The following B4GALT1 variants were observed in gnomAD, a reference collection of about 807,000 sequenced individuals.
B4GALT1 encodes the protein beta-1,4-galactosyltransferase 1.
A neutral mutation model predicts 34.9 loss-of-function variants in B4GALT1; 16 were observed. The ratio of observed to expected loss-of-function variants is 0.46; its 90% CI spans 0.31 to 0.70. The LOEUF (loss-of-function observed/expected upper bound fraction) is 0.70, where lower values mean the gene tolerates loss of function less well. Ranked by LOEUF, B4GALT1 falls within the 30% of genes least tolerant of loss-of-function variation. The pLI, the probability that B4GALT1 is intolerant of heterozygous loss-of-function variation, is 0.05. For missense variants in B4GALT1, 445 were observed against 530.5 expected, an observed-to-expected ratio of 0.84 and a Z score of 1.58; for synonymous variants, 221 against 218.1, an observed-to-expected ratio of 1.01 and a Z score of -0.12.
intron 1 of B4GALT1, among the ~76,000 whole-genome samples, chr9:33,157,063 TACACACACACAC>T (rs371027641): frequency 0.1 from 8,844 of 87,254 alleles, 467 homozygotes; most frequent in Middle Eastern, 0.17. Context: ...CATAGGGAAC[TACACACACACAC>T]ACACACACAC....
chr9:33,135,284 G>A lies in B4GALT1; in HGVS notation c.553C>T (p.Arg185Cys), dbSNP rs142441831. 11 of 1,614,056 alleles carry A rather than the reference G, an allele frequency of 6.8e-6. No individual in the cohort carries two copies. Among genetic ancestry groups the A allele is most frequent in the African/African-American group, 4.0e-5 (3 of 74,900 alleles). Reference sequence around the variant, plus strand: ...TACTTGAGGTGCTCCTGCCGGTTGCGGAATGGAATGATGATGGCCACCTTG... The same window carrying A: ...TACTTGAGGTGCTCCTGCCGGTTGCAGAATGGAATGATGATGGCCACCTTG... Reference protein sequence around the residue: ...PHKVAIIIPFRNRQEHLKYWL... With the variant: ...PHKVAIIIPFCNRQEHLKYWL... Residue 185 changes from arginine to cysteine, a missense_variant, in exon 2 of 6, where the codon CGC becomes TGC. Physicochemically the swap from Arg to Cys is radical, Grantham distance 180 (BLOSUM62 -3). Coordinates refer to ENST00000379731, the MANE Select transcript of B4GALT1 (RefSeq NM_001497.4).
chr9:33,151,158 T>A (rs1372715472), intron 1 of B4GALT1, among the ~76,000 whole-genome samples: 3 of 152,174 alleles, frequency 2.0e-5, no homozygotes, highest in African/African-American at 7.2e-5. Context: ...AATGTTAAAT[T>A]CACTTCCCTG....
At chr9:33,163,004 A>C (rs1244674497) in intron 1 of B4GALT1, among the ~76,000 whole-genome samples, 1 of 152,206 alleles carries the variant, frequency 6.6e-6, no homozygotes, top group Non-Finnish European at 1.5e-5. Flanking sequence ...CTGGCTTACA[A>C]GACTAGTTAT....
At chr9:33,151,903 A>G (rs1381061884) in intron 1 of B4GALT1, among the ~76,000 whole-genome samples, 2 of 152,248 alleles carry the variant, frequency 1.3e-5, no homozygotes, top group Non-Finnish European at 2.9e-5. Context: ...TGGCTTCTAA[A>G]GAACCAACTT....
intron 4 of B4GALT1, among the ~76,000 whole-genome samples, chr9:33,114,667 T>C (rs2118021387): frequency 6.6e-6 from 1 of 152,238 alleles, no homozygotes; most frequent in East Asian, 1.9e-4. Flanking sequence ...GGATTCTGTG[T>C]TGGTCCAAGG....
At chr9:33,131,597 T>C (rs1840194221) in intron 2 of B4GALT1, among the ~76,000 whole-genome samples, 1 of 152,198 alleles carries the variant, frequency 6.6e-6, no homozygotes. Flanking sequence ...TGTACATGTG[T>C]GTGCATGTGT....
At chr9:33,126,664 T>TTGTTAACTATTGTTAACCATAGTTAAAC (rs1158001058) in intron 2 of B4GALT1, among the ~76,000 whole-genome samples, 2 of 31,220 alleles carry the variant, frequency 6.4e-5, no homozygotes, top group Non-Finnish European at 2.1e-4. Context: ...ACCATAGCAA[T>TTGTTAACTATTGTTAACCATAGTTAAAC]ATGGTAGCTC....
rs117881792 is a variant in B4GALT1, at chr9:33,104,713, C to T, written c.*39G>A. 9.2e-3 allele frequency: 4,192 copies of T among 454,414 alleles called. 30 individuals are homozygous for T. Among genetic ancestry groups the T allele is most frequent in the Non-Finnish European group, 0.014 (3,178 of 226,348 alleles). The allele number at this position is 454,414 out of a possible 1,614,324, so 28.1% of individuals were successfully genotyped here. ...GAAGATGCTGGGACTAACCACCATG[C>T]GCTGCCACCTCCAGAGCAGAACAGA... is the stretch of plus-strand genomic sequence containing the variant. On this transcript the variant is annotated 3_prime_UTR_variant, in exon 3 of 3. Coordinates refer to the B4GALT1 transcript ENST00000535206.
chr9:33,167,224 C>A lies in B4GALT1; in HGVS notation c.-55G>T. 6.8e-7 allele frequency: 1 copy of A among 1,467,324 alleles called. No homozygotes were observed. Among genetic ancestry groups the A allele is most frequent in the Non-Finnish European group, 9.0e-7 (1 of 1,115,910 alleles). 90.9% of individuals were successfully genotyped at this position (1,467,324 alleles called of 1,614,324 possible). ...GGCTACAGGAGGGGAGGCGACCCGC[C>A]CGCGGGCCGCCCGCCAGGCGCTGCC... On this transcript the variant is annotated 5_prime_UTR_variant, in exon 1 of 6. Coordinates refer to ENST00000379731, the MANE Select transcript of B4GALT1 (RefSeq NM_001497.4).
At chr9:33,152,564 A>G (rs1210578034) in intron 1 of B4GALT1, among the ~76,000 whole-genome samples, 1 of 151,846 alleles carries the variant, frequency 6.6e-6, no homozygotes, top group East Asian at 1.9e-4. Flanking sequence ...GGTAAAAAAA[A>G]AAAAGGGTTA....
chr9:33,123,935 A>G (rs1840057920), intron 2 of B4GALT1, among the ~76,000 whole-genome samples: 1 of 152,140 alleles, frequency 6.6e-6, no homozygotes, highest in Non-Finnish European at 1.5e-5. Context: ...GCAGTTTTCC[A>G]AAATAACCTG....
chr9:33,127,109 G>A (rs1840123292), intron 2 of B4GALT1, among the ~76,000 whole-genome samples: 1 of 152,048 alleles, frequency 6.6e-6, no homozygotes, highest in Admixed American at 6.6e-5. Flanking sequence ...CTTTTCAAGT[G>A]CCCGCCACCA....
At chr9:33,165,741 TG>T in intron 1 of B4GALT1, among the ~76,000 whole-genome samples, 1 of 152,322 alleles carries the variant, frequency 6.6e-6, no homozygotes, top group East Asian at 1.9e-4. Context: ...GTGGTAACCC[TG>T]GAAGCAACCT....
chr9:33,177,991 T>A, the B4GALT1 span, among the ~76,000 whole-genome samples: 7 of 148,486 alleles, frequency 4.7e-5, no homozygotes, highest in African/African-American at 1.8e-4. Context: ...GAAGACTTTT[T>A]TTTTTTTTTT....
chr9:33,165,342 C>T (rs1027282384), intron 1 of B4GALT1, among the ~76,000 whole-genome samples: 1 of 152,132 alleles, frequency 6.6e-6, no homozygotes, highest in Non-Finnish European at 1.5e-5. Flanking sequence ...TCGACAACCA[C>T]ATTTTACACA....
At position 33,113,322 on chromosome 9, in the gene B4GALT1, A is replaced by G. The variant is rs1362761035; in HGVS notation, c.*132T>C. ...ACTCGTCCTGGTCATCTGGAAAGCC[A>G]TCTGAATGATGAGCGAAGGGGACCT... On this transcript the variant is annotated 3_prime_UTR_variant, in exon 6 of 6. Coordinates refer to ENST00000379731, the MANE Select transcript of B4GALT1 (RefSeq NM_001497.4). The G allele has an allele frequency of 7.3e-7, 1 of 1,378,132 alleles. No individual in the cohort carries two copies. Among genetic ancestry groups the G allele is most frequent in the Non-Finnish European group, 1.0e-6 (1 of 970,114 alleles). 85.4% of individuals were successfully genotyped at this position (1,378,132 alleles called of 1,614,324 possible).
chr9:33,114,832 A>T (rs1839916457), intron 4 of B4GALT1, among the ~76,000 whole-genome samples: 1 of 152,232 alleles, frequency 6.6e-6, no homozygotes, highest in African/African-American at 2.4e-5. Context: ...TTATCTTTCA[A>T]GAAAGTTGCT....
intron 1 of B4GALT1, among the ~76,000 whole-genome samples, chr9:33,164,848 T>C (rs578046836): frequency 8.5e-5 from 13 of 152,172 alleles, no homozygotes; most frequent in Non-Finnish European, 1.9e-4. Flanking sequence ...ACTCAGTCTC[T>C]CTCCCCCTTC....
At chr9:33,133,777 C>T (rs1840227381) in intron 2 of B4GALT1, among the ~76,000 whole-genome samples, 1 of 151,588 alleles carries the variant, frequency 6.6e-6, no homozygotes, top group African/African-American at 2.4e-5. Context: ...GCTTGTTCTG[C>T]TCTCTCCTGC....
Sources: gnomAD v4.1 joint callset for allele counts (sites outside exome capture counted in the v4.1 genomes callset) on GRCh38, gnomAD v4.1.1 for gene constraint, MANE v1.5 for transcripts, NCBI Gene and HGNC (gene_info 2026-07-23, HGNC 2026-07-21) for gene names.